TYW1: variants seen among roughly 807,000 people sequenced by gnomAD.
TYW1 encodes S-adenosyl-L-methionine-dependent tRNA 4-demethylwyosine synthase TYW1.
Under a neutral mutation model 96.2 loss-of-function variants are expected in TYW1, and 46 were observed. That is an observed-to-expected ratio of 0.48 (90% CI 0.38 to 0.61). TYW1 has a LOEUF of 0.61. TYW1 is among the 20% of genes least tolerant of loss of function. TYW1 has a pLI of 0.00. For missense variants in TYW1, 684 were observed against 909.6 expected (o/e 0.75, Z 3.19); for synonymous variants, 274 against 323.0 (o/e 0.85, Z 1.63).
intron 10 of TYW1, among the ~76,000 whole-genome samples, chr7:67,068,539 G>C (rs1795941448): frequency 6.6e-6 from 1 of 152,190 alleles, no homozygotes; most frequent in Non-Finnish European, 1.5e-5. Flanking sequence ...TGGATTCAGA[G>C]ATACCAGTCT....
chr7:67,154,978 A>AT (rs1036008771), intron 13 of TYW1, among the ~76,000 whole-genome samples: 13 of 151,976 alleles, frequency 8.6e-5, no homozygotes, highest in African/African-American at 3.1e-4. Context: ...TCTTGATTTT[A>AT]TTTTTTATTT....
chr7:67,014,081 G>T (rs1397981618), intron 4 of TYW1, among the ~76,000 whole-genome samples: 2 of 152,070 alleles, frequency 1.3e-5, no homozygotes, highest in African/African-American at 4.8e-5. Flanking sequence ...TGTTTCCACT[G>T]TGGCAAATTA....
At chr7:67,039,334 T>C (rs1794940809) in intron 7 of TYW1, among the ~76,000 whole-genome samples, 1 of 151,844 alleles carries the variant, frequency 6.6e-6, no homozygotes, top group Non-Finnish European at 1.5e-5. Flanking sequence ...GGCAGGCACC[T>C]GTAGTCCCAG....
chr7:67,133,043 A>C (rs7784267), intron 13 of TYW1, among the ~76,000 whole-genome samples: 1 of 152,010 alleles, frequency 6.6e-6, no homozygotes, highest in Non-Finnish European at 1.5e-5. Context: ...GATTTTTGTC[A>C]CCGTACCCTG....
intron 10 of TYW1, among the ~76,000 whole-genome samples, chr7:67,076,317 C>A (rs1034694752): frequency 2.6e-5 from 4 of 152,088 alleles, no homozygotes; most frequent in African/African-American, 9.7e-5. Context: ...ACCCTTTCTG[C>A]AGAAAGTAAA....
Position 67,218,604 on chromosome 7 carries a change from C to T in TYW1, c.1978-19704C>T, listed in dbSNP as rs139401223. The stretch of plus-strand genomic sequence containing the variant: ...CTGAGCTCAAGCAATCTGCCCACCT[C>T]GGCCTTCCAAAGTGTTGGGATTACA... On this transcript the variant is annotated intron_variant, in intron 15 of 15. Transcript: ENST00000359626. Among the ~76,000 whole-genome samples the T allele has an allele frequency of 4.7e-3, 713 of 152,272 alleles. 3 individuals carry two copies. The highest frequency in any genetic ancestry group is 7.9e-3 in the African/African-American group (330 of 41,564).
intron 7 of TYW1, among the ~76,000 whole-genome samples, chr7:67,047,319 C>T (rs546698984): frequency 1.2e-4 from 19 of 152,104 alleles, no homozygotes; most frequent in African/African-American, 4.3e-4. Flanking sequence ...TCGCTTGAGC[C>T]CAGGAGTTTG....
At chr7:67,135,682 G>A (rs1197094078) in intron 13 of TYW1, among the ~76,000 whole-genome samples, 10 of 151,510 alleles carry the variant, frequency 6.6e-5, no homozygotes, top group Non-Finnish European at 1.3e-4. Flanking sequence ...GTAAATAAAG[G>A]ATCTGCTCAC....
At chr7:67,045,938 G>A (rs2129259307) in intron 7 of TYW1, among the ~76,000 whole-genome samples, 1 of 152,292 alleles carries the variant, frequency 6.6e-6, no homozygotes, top group African/African-American at 2.4e-5. Flanking sequence ...GCTCACTGCT[G>A]GATGTATATA....
chr7:67,149,794 A>T (rs1169279087), intron 13 of TYW1, among the ~76,000 whole-genome samples: 2 of 147,918 alleles, frequency 1.4e-5, no homozygotes, highest in African/African-American at 5.0e-5. Flanking sequence ...TAAAAACCTG[A>T]AGGGATATAT....
rs1260700260 is a variant in TYW1, at chr7:67,042,004, GTATAATTATATTAGAATTA to G, written c.985-7925_985-7907del. Among the ~76,000 whole-genome samples the G allele has an allele frequency of 3.0e-4, 44 of 145,588 alleles. No homozygotes were observed. The East Asian group carries it at 6.5e-3, about 21-fold the overall frequency. ...ATATTCTAATTCTATTAGAATTAAT[GTATAATTATATTAGAATTA>G]TATAATTATATTAGAATTAATATAT... On this transcript the variant is annotated intron_variant, in intron 7 of 15. Transcript: ENST00000359626.
At chr7:67,159,508 C>T (rs1284111707) in intron 13 of TYW1, among the ~76,000 whole-genome samples, 2 of 152,080 alleles carry the variant, frequency 1.3e-5, no homozygotes, top group African/African-American at 2.4e-5. Flanking sequence ...TAATGTTTTA[C>T]AGTATACTAT....
chr7:67,085,015 C>T (rs192434452), intron 11 of TYW1, among the ~76,000 whole-genome samples: 68 of 152,190 alleles, frequency 4.5e-4, no homozygotes, highest in African/African-American at 1.6e-3. Context: ...TCTTCTTTTC[C>T]GTCATATGCA....
At chr7:67,165,824 G>C (rs1434920951) in intron 13 of TYW1, among the ~76,000 whole-genome samples, 2 of 152,170 alleles carry the variant, frequency 1.3e-5, no homozygotes, top group East Asian at 3.8e-4. Flanking sequence ...CAGCTGTTTG[G>C]GGGGCTGAGG....
chr7:67,047,522 C>T (rs898513996), intron 7 of TYW1, among the ~76,000 whole-genome samples: 1 of 152,090 alleles, frequency 6.6e-6, no homozygotes, highest in African/African-American at 2.4e-5. Context: ...TCAGCTCCAT[C>T]CAGTAATGTG....
At chr7:67,141,475 T>C (rs1584612165) in intron 13 of TYW1, among the ~76,000 whole-genome samples, 1 of 152,220 alleles carries the variant, frequency 6.6e-6, no homozygotes. Context: ...AAGCACTGAG[T>C]GTTTCCTTTC....
Position 67,088,617 on chromosome 7 carries a change from G to T in TYW1, c.1384+5078G>T, listed in dbSNP as rs1796618791. Among the ~76,000 whole-genome samples, 3 of 152,200 alleles carry T rather than the reference G, an allele frequency of 2.0e-5. No individual in the cohort carries two copies. The South Asian group carries it at 6.2e-4, about 32-fold the overall frequency. On this transcript the variant is annotated intron_variant, in intron 11 of 15. Transcript: ENST00000359626. ...CTTGTTCTGTTGCCCAGGCTGGAAT[G>T]CAGTGGCATGATCATAGCTCACTGC...
At chr7:67,151,065 T>TGGAGACAGAGTCTTACTCTGA (rs1798784070) in intron 13 of TYW1, among the ~76,000 whole-genome samples, 1 of 151,844 alleles carries the variant, frequency 6.6e-6, no homozygotes, top group African/African-American at 2.4e-5. Context: ...TTTTTTTTTT[T>TGGAGACAGAGTCTTACTCTGA]TTGGAGACAG....
At chr7:67,163,603 G>A (rs1343876977) in intron 13 of TYW1, among the ~76,000 whole-genome samples, 2 of 151,806 alleles carry the variant, frequency 1.3e-5, no homozygotes, top group Non-Finnish European at 2.9e-5. Context: ...ATCTTCTTAG[G>A]TTCTACTGAA....
Sources: gnomAD v4.1 joint callset for allele counts (sites outside exome capture counted in the v4.1 genomes callset) on GRCh38, gnomAD v4.1.1 for gene constraint, MANE v1.5 for transcripts, NCBI Gene and HGNC (gene_info 2026-07-23, HGNC 2026-07-21) for gene names.